The following LAPTM4B variants were observed in gnomAD, a reference collection of about 807,000 sequenced individuals.
LAPTM4B encodes lysosomal-associated transmembrane protein 4B.
In LAPTM4B, 26 loss-of-function variants were observed where a neutral mutation model predicts 28.5. The ratio of observed to expected loss-of-function variants is 0.91; its 90% CI spans 0.67 to 1.27. LAPTM4B has a LOEUF of 1.27. Ranked by LOEUF, LAPTM4B falls within the 50% of genes most tolerant of loss-of-function variation. The pLI is 0.00. For synonymous variants in LAPTM4B, 109 were observed against 106.4 expected (o/e 1.02, Z -0.15); for missense variants, 288 against 285.8 (o/e 1.01, Z -0.06).
chr8:97,834,803 G>A (rs1386589866), intron 6 of LAPTM4B, among the ~76,000 whole-genome samples: 1 of 152,172 alleles, frequency 6.6e-6, no homozygotes, highest in African/African-American at 2.4e-5. Context: ...TGCCCCAAAT[G>A]TGGAATGAGC....
At chr8:97,850,785 G>C (rs1291332698) in intron 6 of LAPTM4B, among the ~76,000 whole-genome samples, 1 of 145,512 alleles carries the variant, frequency 6.9e-6, no homozygotes, top group Non-Finnish European at 1.5e-5. Flanking sequence ...TTACATACTA[G>C]ATGCATAATA....
At chr8:97,849,839 G>T (rs1456210692) in intron 6 of LAPTM4B, among the ~76,000 whole-genome samples, 1 of 146,172 alleles carries the variant, frequency 6.8e-6, no homozygotes, top group Non-Finnish European at 1.5e-5. Context: ...CCCGGTTCCT[G>T]TGTGTTTCTG....
intron 1 of LAPTM4B, among the ~76,000 whole-genome samples, chr8:97,785,142 G>A (rs1039352363): frequency 6.6e-5 from 10 of 151,560 alleles, no homozygotes; most frequent in African/African-American, 2.4e-4. Flanking sequence ...ATGGAGTGCA[G>A]TGGTGCCATC....
intron 5 of LAPTM4B, among the ~76,000 whole-genome samples, chr8:97,823,334 A>G (rs1157244248): frequency 3.6e-5 from 5 of 137,286 alleles, no homozygotes; most frequent in Admixed American, 1.5e-4. Flanking sequence ...TACAATCATC[A>G]TACAATATGG....
intron 1 of LAPTM4B, among the ~76,000 whole-genome samples, chr8:97,779,754 A>G (rs1330587222): frequency 7.5e-6 from 1 of 133,608 alleles, no homozygotes; most frequent in African/African-American, 2.9e-5. Context: ...ACTCTTATCT[A>G]AAAAAAAAAA....
chr8:97,838,742 T>G (rs1435492095), intron 6 of LAPTM4B, among the ~76,000 whole-genome samples: 1 of 152,210 alleles, frequency 6.6e-6, no homozygotes, highest in African/African-American at 2.4e-5. Context: ...CACTTTTTCA[T>G]TCAGACAGTT....
intron 6 of LAPTM4B, among the ~76,000 whole-genome samples, chr8:97,840,902 C>T (rs1005152255): frequency 1.3e-5 from 2 of 149,718 alleles, no homozygotes; most frequent in Non-Finnish European, 3.0e-5. Context: ...CTTCTCACAT[C>T]CCAGATGGGG....
In LAPTM4B at chr8:97,851,482, A is replaced by G. The variant is rs1563626235; in HGVS notation, c.*8A>G. 6.2e-7 allele frequency: 1 copy of G among 1,610,202 alleles called. No homozygotes were observed. The highest frequency in any genetic ancestry group is 1.7e-5 in the Admixed American group (1 of 60,020). On this transcript the variant is annotated 3_prime_UTR_variant, in exon 7 of 7. Transcript: ENST00000521545. ...CCTTACGTGTCTGCCTAAGCCTTCAAGTGGGCGGAGCTGAGGGCAGCAGCT... is the reference window on the plus strand; with the variant it reads ...CCTTACGTGTCTGCCTAAGCCTTCAGGTGGGCGGAGCTGAGGGCAGCAGCT...
rs928516763 is a variant in LAPTM4B at position 97,775,923 on chromosome 8, C to G, written c.-87C>G. 8.4e-7 allele frequency: 1 copy of G among 1,194,326 alleles called. No homozygotes were observed. The highest frequency in any genetic ancestry group is 1.1e-6 in the Non-Finnish European group (1 of 889,378). 74.0% of individuals were successfully genotyped at this position (1,194,326 alleles called of 1,614,324 possible). On this transcript the variant is annotated 5_prime_UTR_variant, in exon 1 of 7. Transcript: ENST00000521545. ...CCGGGAGCCGGAGCGGCGGAGGAGC[C>G]GGCAGCAGCGGCGCGGCGGGCTCCA...
At chr8:97,826,336 A>G (rs1817090742) in intron 6 of LAPTM4B, among the ~76,000 whole-genome samples, 1 of 152,192 alleles carries the variant, frequency 6.6e-6, no homozygotes, top group Non-Finnish European at 1.5e-5. Context: ...TCGTTTTGGG[A>G]GTCTGCAGAA....
At chr8:97,814,474 A>G (rs1816872135) in intron 2 of LAPTM4B, among the ~76,000 whole-genome samples, 1 of 151,974 alleles carries the variant, frequency 6.6e-6, no homozygotes, top group Non-Finnish European at 1.5e-5. Context: ...CATTGAGCCA[A>G]TGTTGTCCCA....
chr8:97,810,871 T>TAC (rs1816815687), intron 2 of LAPTM4B, among the ~76,000 whole-genome samples: 1 of 152,198 alleles, frequency 6.6e-6, no homozygotes, highest in Non-Finnish European at 1.5e-5. Flanking sequence ...GATGGCTACT[T>TAC]ATATATACAG....
chr8:97,843,805 AAATAAATAAATC>A (rs1277375001), intron 6 of LAPTM4B, among the ~76,000 whole-genome samples: 1 of 135,002 alleles, frequency 7.4e-6, no homozygotes, highest in African/African-American at 2.8e-5. Context: ...ATAAATAAAT[AAATAAATAAATC>A]ATTTGCTTAC....
chr8:97,851,506 C>T lies in LAPTM4B; in HGVS notation c.*32C>T. On this transcript the variant is annotated 3_prime_UTR_variant, in exon 7 of 7. Coordinates refer to ENST00000521545, the MANE Select transcript of LAPTM4B (RefSeq NM_018407.6). ...AAGTGGGCGGAGCTGAGGGCAGCAG[C>T]TTGACTTTGCAGACATCTGAGCAAT... The T allele has an allele frequency of 2.0e-6, 3 of 1,529,754 alleles. No homozygotes were observed. Among genetic ancestry groups the T allele is most frequent in the Non-Finnish European group, 2.7e-6 (3 of 1,103,638 alleles). 94.8% of individuals were successfully genotyped at this position (1,529,754 alleles called of 1,614,324 possible).
chr8:97,780,050 C>CAA (rs57555167), intron 1 of LAPTM4B, among the ~76,000 whole-genome samples: 179 of 91,876 alleles, frequency 1.9e-3, no homozygotes, highest in African/African-American at 6.7e-3. Flanking sequence ...GACTCTGTCT[C>CAA]AAAAAAAAAA....
chr8:97,831,586 G>A (rs1385627415), intron 6 of LAPTM4B, among the ~76,000 whole-genome samples: 1 of 152,184 alleles, frequency 6.6e-6, no homozygotes, highest in African/African-American at 2.4e-5. Flanking sequence ...CATGGAAGTG[G>A]TCATGAAAGG....
intron 2 of LAPTM4B, among the ~76,000 whole-genome samples, chr8:97,812,364 C>G (rs1425462928): frequency 2.6e-5 from 4 of 151,776 alleles, no homozygotes; most frequent in African/African-American, 9.7e-5. Flanking sequence ...GGATTACAGG[C>G]ATGCACCACC....
At chr8:97,788,046 G>A (rs566637180) in intron 1 of LAPTM4B, among the ~76,000 whole-genome samples, 6 of 152,162 alleles carry the variant, frequency 3.9e-5, no homozygotes, top group Non-Finnish European at 7.4e-5. Context: ...ATTTATGACC[G>A]AACCCAGCCA....
intron 6 of LAPTM4B, among the ~76,000 whole-genome samples, chr8:97,848,109 A>G (rs1249084674): frequency 6.6e-6 from 1 of 151,620 alleles, no homozygotes; most frequent in Non-Finnish European, 1.5e-5. Flanking sequence ...ACTAAAACTA[A>G]AAATTAGCCG....
Sources: allele counts gnomAD v4.1 joint callset (sites outside exome capture counted in the v4.1 genomes callset), GRCh38; gene constraint gnomAD v4.1.1; transcripts MANE v1.5; gene names NCBI Gene and HGNC (gene_info 2026-07-23, HGNC 2026-07-21).